ABCA7: variants seen among roughly 807,000 people sequenced by gnomAD.
The protein encoded by ABCA7 is phospholipid-transporting ATPase ABCA7.
A neutral mutation model predicts 227.6 loss-of-function variants in ABCA7; 261 were observed. The ratio of observed to expected loss-of-function variants is 1.15; its 90% CI spans 1.04 to 1.27. ABCA7 has a LOEUF of 1.27. Among genes scored for constraint, ABCA7 ranks in the 50% most tolerant of loss-of-function variants. ABCA7 has a pLI of 0.00. For missense variants in ABCA7, 3,331 were observed against 2,924.5 expected, an observed-to-expected ratio of 1.14 and a Z score of -3.21; for synonymous variants, 1,488 against 1,279.7, an observed-to-expected ratio of 1.16 and a Z score of -3.47.
At chr19:1,042,434 G>T (rs747299748) in intron 6 of ABCA7, 37 bp downstream of exon 6, 14 of 1,608,266 alleles carry the variant, frequency 8.7e-6, no homozygotes, top group Non-Finnish European at 1.1e-5. Flanking sequence ...GACTTCCTGG[G>T]ACACTGCACT....
At chr19:1,040,370 G>C (rs1224759023) in intron 1 of ABCA7, among the ~76,000 whole-genome samples, 174 bp downstream of exon 1, 1 of 152,144 alleles carries the variant, frequency 6.6e-6, no homozygotes, top group Non-Finnish European at 1.5e-5. Flanking sequence ...GGACATCTGG[G>C]ACCCTTAAGA....
chr19:1,058,884 C>G lies in ABCA7; in HGVS notation c.5344C>G (p.Arg1782Gly), dbSNP rs372373771. ...CGAGGATGTAGCCCGTGAACGGGAG[C>G]GGGTGGTCCAAGGAGCCACCCAGGG... ...EDEDVARERE[R>G]VVQGATQGDV... The change falls in exon 39 of 47, where the codon CGG becomes GGG. Residue 1782 changes from arginine (R) to glycine (G), a missense_variant. Transcript: ENST00000263094. The G allele has an allele frequency of 6.3e-7, 1 of 1,581,618 alleles. No individual in the cohort carries two copies. Among genetic ancestry groups the G allele is most frequent in the Non-Finnish European group, 8.6e-7 (1 of 1,160,042 alleles).
Position 1,047,346 on chromosome 19 carries a change from G to A in ABCA7, c.2035G>A (p.Asp679Asn). ...LPYVLCVAWR[D>N]RLPAGGRVAA... ...CTACGTGCTGTGTGTGGCTTGGCGG[G>A]ACCGGCTGCCCGCGGGTGGCCGCGT... is the stretch of plus-strand genomic sequence containing the variant. The change falls in exon 15 of 47, where the codon GAC becomes AAC. Residue 679 changes from aspartate to asparagine, a missense_variant. Asp to Asn is a conservative substitution (Grantham distance 23, BLOSUM62 1). Coordinates refer to ENST00000263094, the MANE Select transcript of ABCA7 (RefSeq NM_019112.4). The A allele has an allele frequency of 6.3e-7, 1 of 1,582,702 alleles. No individual in the cohort carries two copies. The highest frequency in any genetic ancestry group is 8.6e-7 in the Non-Finnish European group (1 of 1,169,308).
intron 31 of ABCA7, 60 bp downstream of exon 31, chr19:1,055,999 GC>G: frequency 1.3e-6 from 2 of 1,550,574 alleles, no homozygotes; most frequent in Non-Finnish European, 1.7e-6. Flanking sequence ...CCCTCTGCCT[GC>G]CCCCTGGGAG....
rs770069875 is a variant in ABCA7, at chr19:1,042,277, TC to T, written c.416-32del. 8 of 1,575,660 alleles carry T rather than the reference TC, an allele frequency of 5.1e-6. No individual in the cohort carries two copies. In the East Asian group the frequency reaches 1.6e-4, roughly 31 times the overall value. Reference sequence around the variant, plus strand: ...TGGGGGTGGGTGCCTCAGACCAACGTCCCCCCAGCCCCATGCTCCCGTGCGC... The same window carrying T: ...TGGGGGTGGGTGCCTCAGACCAACGTCCCCCAGCCCCATGCTCCCGTGCGC... On this transcript the variant is annotated intron_variant, in intron 5 of 46. Transcript: ENST00000263094.
At chr19:1,051,888 C>A in intron 21 of ABCA7, 54 bp from the exon 22 acceptor site, 1 of 1,585,540 alleles carries the variant, frequency 6.3e-7, no homozygotes, top group Non-Finnish European at 8.6e-7. Flanking sequence ...GGCCCCAGCT[C>A]GGGCAAAGAC....
At position 1,051,448 on chromosome 19, in the gene ABCA7, G is replaced by C; in HGVS notation, c.2825-1G>C. ...TGAGGTCCCTTCCCCATCTCTACCA[G>C]GTGGGATGCAACGGAAGCTGTCCGT... On this transcript the variant is annotated splice_acceptor_variant, in intron 20 of 46. Coordinates refer to ENST00000263094, the MANE Select transcript of ABCA7 (RefSeq NM_019112.4). LOFTEE classifies it high-confidence loss of function. 6.3e-7 allele frequency: 1 copy of C among 1,580,674 alleles called. No homozygotes were observed. The highest frequency in any genetic ancestry group is 1.4e-5 in the African/African-American group (1 of 72,026).
In ABCA7 at chr19:1,051,283, G is replaced by A. The variant is rs1282530547; in HGVS notation, c.2813G>A (p.Arg938His). Residue 938 changes from arginine to histidine, a missense_variant, in exon 20 of 47, where the codon CGC (arginine) becomes CAC (histidine). Physicochemically the swap from Arg to His is conservative, Grantham distance 29. Coordinates refer to ENST00000263094, the MANE Select transcript of ABCA7 (RefSeq NM_019112.4). The part of the protein sequence containing the change: ...GLVSKQSVQT[R>H]HLSGGMQRKL... ...GTCTCCAAGCAGAGTGTGCAGACTCGCCACCTCTCTGGTGAGCCCATCCCC... is the reference window on the plus strand; with the variant it reads ...GTCTCCAAGCAGAGTGTGCAGACTCACCACCTCTCTGGTGAGCCCATCCCC... 5 of 1,598,644 alleles carry A rather than the reference G, an allele frequency of 3.1e-6. No homozygotes were observed. Among genetic ancestry groups the A allele is most frequent in the Non-Finnish European group, 3.4e-6 (4 of 1,172,834 alleles).
At chr19:1,064,567 G>T in intron 45 of ABCA7, 1 of 486,606 alleles carries the variant, frequency 2.1e-6, no homozygotes, top group South Asian at 3.1e-5. Context: ...GGCCTGGTTA[G>T]TGGGCGGGGC....
intron 46 of ABCA7, 41 bp downstream of exon 46, chr19:1,065,212 G>C: frequency 6.3e-7 from 1 of 1,599,408 alleles, no homozygotes; most frequent in Non-Finnish European, 8.5e-7. Context: ...AGGCAGGCTG[G>C]GGGCCAGGCC....
rs768885372 is a variant in ABCA7 at position 1,043,166 on chromosome 19, C to T, written c.705C>T (p.Gly235=). The T allele has an allele frequency of 1.9e-6, 3 of 1,611,420 alleles. No homozygotes were observed. The highest frequency in any genetic ancestry group is 1.1e-5 in the South Asian group (1 of 90,968). Residue 235 remains glycine (G), a synonymous_variant, in exon 8 of 47, where the codon GGC becomes GGT. Transcript: ENST00000263094. ...CSVRGPSSTV[G]PSLNWYEASD... is the part of the protein sequence containing the mutation. ...TCAGGGGACCTAGCAGCACAGTGGG[C>T]CCCTCCCTCAACTGGTACGAGGCTA...
Position 1,054,367 on chromosome 19 carries a change from C to A in ABCA7, c.3726+26C>A, listed in dbSNP as rs1004933251. 1 of 1,574,688 alleles carries A rather than the reference C, an allele frequency of 6.4e-7. No homozygotes were observed. Among genetic ancestry groups the A allele is most frequent in the South Asian group, 1.1e-5 (1 of 88,784 alleles). On this transcript the variant is annotated intron_variant, in intron 27 of 46. Transcript: ENST00000263094. This position sits in a 1 kb window ranked among gnomAD's most constrained non-coding sequence, Gnocchi z 4.8. The stretch of plus-strand genomic sequence containing the variant: ...GTGAGGAGGGCTAGCACCAGGGAGT[C>A]GCATGGGAGTCCCTGAGTTCCCTAC...
chr19:1,041,854 C>A lies in ABCA7; in HGVS notation c.184C>A (p.Pro62Thr), dbSNP rs773153252. 6.9e-6 allele frequency: 11 copies of A among 1,605,070 alleles called. No individual in the cohort carries two copies. The South Asian group carries it at 1.2e-4, about 18-fold the overall frequency. ...AGGCCACTTCCCAAACAAGCCACTG[C>A]CATCGGCGGGCACCGTGCCCTGGCT... Reference protein sequence around the residue: ...HECHFPNKPLPSAGTVPWLQG... With the variant: ...HECHFPNKPLTSAGTVPWLQG... Residue 62 changes from proline (P) to threonine (T), a missense_variant, in exon 4 of 47, where the codon CCA becomes ACA. Physicochemically the swap from Pro to Thr is conservative, Grantham distance 38 (BLOSUM62 -1). Transcript: ENST00000263094.
At chr19:1,062,035 A>G (rs1197190456) in intron 41 of ABCA7, 137 bp from the exon 42 acceptor site, 4 of 1,459,752 alleles carry the variant, frequency 2.7e-6, no homozygotes, top group Non-Finnish European at 3.7e-6. Flanking sequence ...TACCTCCCAC[A>G]CGCGGACCAG....
Position 1,049,251 on chromosome 19 carries a change from ACC to A in ABCA7, c.2381-12_2381-11del. The stretch of plus-strand genomic sequence containing the variant: ...CCCCATGACCTCCATGGCTGAGTCC[ACC>A]CCATCTCTGCAGTGCTGGTAGAAGA... On this transcript the variant is annotated splice_polypyrimidine_tract_variant and intron_variant, in intron 17 of 46. Coordinates refer to ENST00000263094, the MANE Select transcript of ABCA7 (RefSeq NM_019112.4). 1 of 1,584,194 alleles carries A rather than the reference ACC, an allele frequency of 6.3e-7. No individual in the cohort carries two copies. The highest frequency in any genetic ancestry group is 8.6e-7 in the Non-Finnish European group (1 of 1,160,768).
chr19:1,045,447 A>G, intron 12 of ABCA7: 1 of 586,748 alleles, frequency 1.7e-6, no homozygotes, highest in South Asian at 2.0e-5. Context: ...CATGGGCCTG[A>G]GATAAGATGA....
rs755871224 is a variant in ABCA7 at position 1,041,432 on chromosome 19, C to CCAGGGCCGGTGTGAGACCAGG, written c.66+5_66+6insCAGGGCCGGTGTGAGACCAGG. 1.9e-6 allele frequency: 3 copies of CCAGGGCCGGTGTGAGACCAGG among 1,614,004 alleles called. No individual in the cohort carries two copies. The highest frequency in any genetic ancestry group is 2.2e-5 in the East Asian group (1 of 44,884). ...ATGTATCGCCGGAGACAGCCGGTAA[C>CCAGGGCCGGTGTGAGACCAGG]GCCCCAGTGTGAGACCAGGGCCGGG... is the stretch of plus-strand genomic sequence containing the variant. On this transcript the variant is annotated splice_donor_region_variant and intron_variant, in intron 2 of 46. Transcript: ENST00000263094.
In ABCA7 at chr19:1,056,766, C is replaced by T; in HGVS notation, c.4587-141C>T. 9.7e-7 allele frequency: 1 copy of T among 1,027,668 alleles called. No individual in the cohort carries two copies. Among genetic ancestry groups the T allele is most frequent in the South Asian group, 1.5e-5 (1 of 66,140 alleles). The allele number at this position is 1,027,668 out of a possible 1,614,324, so 63.7% of individuals were successfully genotyped here. A position where few individuals can be genotyped will look rare whatever the true frequency, so the allele number is the denominator to read the frequency against. The stretch of plus-strand genomic sequence containing the variant: ...ACCTCTGCTGCCAAATCCCAGGCAC[C>T]CTCATCCCTAAATTGCCCCTGCCAT... On this transcript the variant is annotated intron_variant, in intron 33 of 46. Transcript: ENST00000263094. The surrounding 1 kb of genome is among the most constrained non-coding windows in gnomAD (Gnocchi z 4.3).
chr19:1,062,027 C>T (rs2042689239), intron 41 of ABCA7, 139 bp downstream of exon 41: 2 of 1,443,312 alleles, frequency 1.4e-6, no homozygotes, highest in East Asian at 2.3e-5. Flanking sequence ...TGCACCTCTA[C>T]CTCCCACACG....
Sources: allele counts gnomAD v4.1 joint callset (sites outside exome capture counted in the v4.1 genomes callset), GRCh38; gene constraint gnomAD v4.1.1; non-coding constraint Gnocchi (gnomAD v3.1); transcripts MANE v1.5; gene names NCBI Gene and HGNC (gene_info 2026-07-23, HGNC 2026-07-21).